The following KLHL9 variants were observed in gnomAD, a reference collection of about 807,000 sequenced individuals.
The protein encoded by KLHL9 is kelch-like protein 9.
A neutral mutation model predicts 42.3 loss-of-function variants in KLHL9; 27 were observed. The observed-to-expected ratio is 0.64, with a 90% CI of 0.47 to 0.88. The LOEUF is 0.88. Ranked by LOEUF, KLHL9 falls within the 40% of genes least tolerant of loss-of-function variation. The probability of loss-of-function intolerance (pLI) is 0.00; values close to 1 mark genes in which losing one functional copy is unlikely to be tolerated. For synonymous variants in KLHL9, 274 were observed against 254.4 expected (o/e 1.08, Z -0.73); for missense variants, 629 against 750.3 (o/e 0.84, Z 1.89).
chr9:21,333,133 T>G lies in KLHL9; in HGVS notation c.1727A>C (p.Lys576Thr). The change falls in exon 1 of 1, where the codon AAA becomes ACA. Residue 576 changes from lysine to threonine, a missense_variant. By Grantham distance (78) the Lys-to-Thr change is moderately conservative (BLOSUM62 -1). This residue lies in a region of KLHL9 where 61 missense variants were observed against 63.5 expected (regional missense o/e 0.96). Coordinates refer to ENST00000359039, the MANE Select transcript of KLHL9 (RefSeq NM_018847.4). The surrounding 1 kb of genome is among the most constrained non-coding windows in gnomAD (Gnocchi z 7.5). ...KYDPEKDEWH[K>T]VFDLPESLGG... ...AAGTGACTCTGGAAGATCAAAAACT[T>G]TATGCCACTCATCTTTTTCTGGGTC... 6.2e-7 allele frequency: 1 copy of G among 1,614,172 alleles called. No individual in the cohort carries two copies. The highest frequency in any genetic ancestry group is 1.1e-5 in the South Asian group (1 of 91,082).
Position 21,332,038 on chromosome 9 carries a change from G to C in KLHL9, c.*968C>G, listed in dbSNP as rs1442461490. On this transcript the variant is annotated 3_prime_UTR_variant, in exon 1 of 1. Coordinates refer to ENST00000359039, the MANE Select transcript of KLHL9 (RefSeq NM_018847.4). ...TTCATTAAGTTTTACTGACCAAAAAGGTGGAAAAAAGAACCTAAATTTTCT... is the reference window on the plus strand; with the variant it reads ...TTCATTAAGTTTTACTGACCAAAAACGTGGAAAAAAGAACCTAAATTTTCT... 1 of 152,324 alleles carries C rather than the reference G, an allele frequency of 6.6e-6. No individual in the cohort carries two copies. Among genetic ancestry groups the C allele is most frequent in the Non-Finnish European group, 1.5e-5 (1 of 68,000 alleles). 9.4% of individuals were successfully genotyped at this position (152,324 alleles called of 1,614,324 possible).
Position 21,332,834 on chromosome 9 carries a change from A to AT in KLHL9, c.*171dup. On this transcript the variant is annotated 3_prime_UTR_variant, in exon 1 of 1. Coordinates refer to ENST00000359039, the MANE Select transcript of KLHL9 (RefSeq NM_018847.4). ...TTGTTAAAACAGCTATGTTAAATAC[A>AT]TTTTCAGAATGCATTTGTTAGCCAC... 1 of 962,012 alleles carries AT rather than the reference A, an allele frequency of 1.0e-6. No homozygotes were observed. Among genetic ancestry groups the AT allele is most frequent in the Non-Finnish European group, 1.5e-6 (1 of 679,568 alleles). 59.6% of individuals were successfully genotyped at this position (962,012 alleles called of 1,614,324 possible).
At position 21,334,701 on chromosome 9, in the gene KLHL9, G is replaced by A. The variant is rs1157170212; in HGVS notation, c.159C>T (p.Thr53=). 4 of 1,613,776 alleles carry A rather than the reference G, an allele frequency of 2.5e-6. No homozygotes were observed. Among genetic ancestry groups the A allele is most frequent in the Non-Finnish European group, 3.4e-6 (4 of 1,179,884 alleles). Residue 53 remains threonine (T), a synonymous_variant, in exon 1 of 1, where the codon ACC becomes ACT. Transcript: ENST00000359039. This position sits in a 1 kb window ranked among gnomAD's most constrained non-coding sequence, Gnocchi z 5.1. ...TTTCATCTCCATCACCTGGTACCAG[G>A]GTCACATCACAAAGCAATCCTTCTA... ...LRIEGLLCDV[T]LVPGDGDEIF... is the part of the protein sequence containing the mutation.
chr9:21,333,390 T>A lies in KLHL9; in HGVS notation c.1470A>T (p.Thr490=), dbSNP rs573827694. Reference sequence around the variant, plus strand: ...CAATGACATAGAGCTTATCTCCAACTGTACACATGCAATGCAGACCTCTGA... The same window carrying A: ...CAATGACATAGAGCTTATCTCCAACAGTACACATGCAATGCAGACCTCTGA... The part of the protein sequence containing the change: ...TTVRGLHCMC[T]VGDKLYVIGG... Residue 490 remains threonine (T), a synonymous_variant, in exon 1 of 1, where the codon ACA becomes ACT. Coordinates refer to ENST00000359039, the MANE Select transcript of KLHL9 (RefSeq NM_018847.4). This position sits in a 1 kb window ranked among gnomAD's most constrained non-coding sequence, Gnocchi z 7.5. 5.7e-5 allele frequency: 92 copies of A among 1,614,236 alleles called. 1 individual carries two copies. In the South Asian group the frequency reaches 1.0e-3, roughly 18 times the overall value.
rs1820206150 is a variant in KLHL9, at chr9:21,333,267, C to T, written c.1593G>A (p.Met531Ile). 6.2e-7 allele frequency: 1 copy of T among 1,614,070 alleles called. No individual in the cohort carries two copies. The highest frequency in any genetic ancestry group is 8.5e-7 in the Non-Finnish European group (1 of 1,180,008). The change falls in exon 1 of 1, where the codon ATG (methionine) becomes ATA (isoleucine). Residue 531 changes from methionine (M) to isoleucine (I), a missense_variant. Physicochemically the swap from Met to Ile is conservative, Grantham distance 10. Transcript: ENST00000359039. The surrounding 1 kb of genome is among the most constrained non-coding windows in gnomAD (Gnocchi z 7.5). The part of the protein sequence containing the change: ...TLDQWTPIAA[M>I]LRGQSDVGVA... ...CTCCAACATCACTTTGGCCTCTTAA[C>T]ATGGCGGCAATTGGGGTCCACTGGT...
Position 21,334,000 on chromosome 9 carries a change from T to A in KLHL9, c.860A>T (p.Gln287Leu). The change falls in exon 1 of 1, where the codon CAG (glutamine) becomes CTG (leucine). Residue 287 changes from glutamine (Q) to leucine (L), a missense_variant. Coordinates refer to ENST00000359039, the MANE Select transcript of KLHL9 (RefSeq NM_018847.4). This position sits in a 1 kb window ranked among gnomAD's most constrained non-coding sequence, Gnocchi z 7.5. ...QMMPYMQPVMQSDRTAIRSDS... is the reference protein window; with the variant it reads ...QMMPYMQPVMLSDRTAIRSDS... ...AGATCGAATGGCAGTTCTATCTGAC[T>A]GCATCACTGGCTGCATATATGGCAT... 6.2e-7 allele frequency: 1 copy of A among 1,614,226 alleles called. No individual in the cohort carries two copies. The highest frequency in any genetic ancestry group is 8.5e-7 in the Non-Finnish European group (1 of 1,180,028).
In KLHL9 at chr9:21,333,306, A is replaced by G. The variant is rs762137797; in HGVS notation, c.1554T>C (p.Tyr518=). ...DYDDVLSCEY[Y]SPTLDQWTPI... is the part of the protein sequence containing the mutation. The stretch of plus-strand genomic sequence containing the variant: ...GGGTCCACTGGTCAAGGGTTGGTGA[A>G]TAGTATTCACAGCTTAGAACATCAT... The change falls in exon 1 of 1, where the codon TAT becomes TAC. Residue 518 remains tyrosine (Y), a synonymous_variant. Transcript: ENST00000359039. The surrounding 1 kb of genome is among the most constrained non-coding windows in gnomAD (Gnocchi z 7.5). 4 of 1,614,118 alleles carry G rather than the reference A, an allele frequency of 2.5e-6. No homozygotes were observed. The highest frequency in any genetic ancestry group is 1.7e-5 in the Admixed American group (1 of 60,014).
chr9:21,332,824 T>C lies in KLHL9; in HGVS notation c.*182A>G, dbSNP rs1013493214. 1.2e-6 allele frequency: 1 copy of C among 862,904 alleles called. No homozygotes were observed. Among genetic ancestry groups the C allele is most frequent in the Admixed American group, 3.3e-5 (1 of 30,610 alleles). The allele number at this position is 862,904 out of a possible 1,614,324, so 53.5% of individuals were successfully genotyped here. A position where few individuals can be genotyped will look rare whatever the true frequency, so the allele number is the denominator to read the frequency against. The stretch of plus-strand genomic sequence containing the variant: ...TTTTTTTCATTTGTTAAAACAGCTA[T>C]GTTAAATACATTTTCAGAATGCATT... On this transcript the variant is annotated 3_prime_UTR_variant, in exon 1 of 1. Coordinates refer to ENST00000359039, the MANE Select transcript of KLHL9 (RefSeq NM_018847.4).
In KLHL9 at chr9:21,335,227, G is replaced by T; in HGVS notation, c.-368C>A. ...CACGGCCCGCTCGGCGGCGGGTCCGGACACCTCAGCGAACGGCCCGCTGCG... is the reference window on the plus strand; with the variant it reads ...CACGGCCCGCTCGGCGGCGGGTCCGTACACCTCAGCGAACGGCCCGCTGCG... On this transcript the variant is annotated 5_prime_UTR_variant, in exon 1 of 1. Coordinates refer to ENST00000359039, the MANE Select transcript of KLHL9 (RefSeq NM_018847.4). 1 of 499,852 alleles carries T rather than the reference G, an allele frequency of 2.0e-6. No individual in the cohort carries two copies. Among genetic ancestry groups the T allele is most frequent in the South Asian group, 4.1e-5 (1 of 24,650 alleles). 31.0% of individuals were successfully genotyped at this position (499,852 alleles called of 1,614,324 possible).
Position 21,333,888 on chromosome 9 carries a change from T to G in KLHL9, c.972A>C (p.Ala324=), listed in dbSNP as rs1278868125. 2 of 1,613,928 alleles carry G rather than the reference T, an allele frequency of 1.2e-6. No homozygotes were observed. Among genetic ancestry groups the G allele is most frequent in the African/African-American group, 2.7e-5 (2 of 74,928 alleles). Residue 324 remains alanine, a synonymous_variant, in exon 1 of 1, where the codon GCA becomes GCC. Transcript: ENST00000359039. This position sits in a 1 kb window ranked among gnomAD's most constrained non-coding sequence, Gnocchi z 7.5. ...TTGGGGCTAAAGATCTCCATTCTTG[T>G]GCCCTTTCATCATACATCCGTAATT... The part of the protein sequence containing the change: ...SKELRMYDER[A]QEWRSLAPMD...
In KLHL9 at chr9:21,334,142, T is replaced by C; in HGVS notation, c.718A>G (p.Ile240Val). The C allele has an allele frequency of 6.2e-7, 1 of 1,614,240 alleles. No homozygotes were observed. Among genetic ancestry groups the C allele is most frequent in the Non-Finnish European group, 8.5e-7 (1 of 1,180,048 alleles). The change falls in exon 1 of 1, where the codon ATT becomes GTT. Residue 240 changes from isoleucine to valine, a missense_variant. Transcript: ENST00000359039. The surrounding 1 kb of genome is among the most constrained non-coding windows in gnomAD (Gnocchi z 5.1). ...MDYAAKLMKN[I>V]RFPLMTPQDL... ...TGTGGTGTCATCAGTGGAAATCGAA[T>C]ATTCTTCATTAACTTTGCAGCATAA...
At position 21,331,372 on chromosome 9, in the gene KLHL9, T is replaced by A. The variant is rs1344271667; in HGVS notation, c.*1634A>T. The A allele has an allele frequency of 6.6e-6, 1 of 152,536 alleles. No individual in the cohort carries two copies. The highest frequency in any genetic ancestry group is 1.5e-5 in the Non-Finnish European group (1 of 68,022). 9.4% of individuals were successfully genotyped at this position (152,536 alleles called of 1,614,324 possible). On this transcript the variant is annotated 3_prime_UTR_variant, in exon 1 of 1. Coordinates refer to ENST00000359039, the MANE Select transcript of KLHL9 (RefSeq NM_018847.4). Reference sequence around the variant, plus strand: ...AATGAATCAACACTTGTATGGGCAGTAAGGTTCAGACCCCTAGAAGCCAAT... The same window carrying A: ...AATGAATCAACACTTGTATGGGCAGAAAGGTTCAGACCCCTAGAAGCCAAT...
Position 21,332,729 on chromosome 9 carries a change from A to G in KLHL9, c.*277T>C. 1 of 397,704 alleles carries G rather than the reference A, an allele frequency of 2.5e-6. No individual in the cohort carries two copies. Among genetic ancestry groups the G allele is most frequent in the Admixed American group, 4.2e-5 (1 of 23,998 alleles). The allele number at this position is 397,704 out of a possible 1,614,324, so 24.6% of individuals were successfully genotyped here. A position where few individuals can be genotyped will look rare whatever the true frequency, so the allele number is the denominator to read the frequency against. On this transcript the variant is annotated 3_prime_UTR_variant, in exon 1 of 1. Coordinates refer to ENST00000359039, the MANE Select transcript of KLHL9 (RefSeq NM_018847.4). ...ACTTTGAAGCATAATGGACATAATTACACATTTACCACAGTCATCTACAAT... is the reference window on the plus strand; with the variant it reads ...ACTTTGAAGCATAATGGACATAATTGCACATTTACCACAGTCATCTACAAT...
Position 21,334,708 on chromosome 9 carries a change from T to C in KLHL9, c.152A>G (p.Asp51Gly). ...TCCATCACCTGGTACCAGGGTCACATCACAAAGCAATCCTTCTATTCTAAG... is the reference window on the plus strand; with the variant it reads ...TCCATCACCTGGTACCAGGGTCACACCACAAAGCAATCCTTCTATTCTAAG... ...DQLRIEGLLC[D>G]VTLVPGDGDE... is the part of the protein sequence containing the mutation. Residue 51 changes from aspartate (D) to glycine (G), a missense_variant, in exon 1 of 1, where the codon GAT (aspartate) becomes GGT (glycine). By Grantham distance (94) the Asp-to-Gly change is moderately conservative. Transcript: ENST00000359039. The surrounding 1 kb of genome is among the most constrained non-coding windows in gnomAD (Gnocchi z 5.1). 1 of 1,613,836 alleles carries C rather than the reference T, an allele frequency of 6.2e-7. No individual in the cohort carries two copies. Among genetic ancestry groups the C allele is most frequent in the Non-Finnish European group, 8.5e-7 (1 of 1,179,794 alleles).
rs192832956 is a variant in KLHL9, at chr9:21,332,455, G to A, written c.*551C>T. On this transcript the variant is annotated 3_prime_UTR_variant, in exon 1 of 1. Coordinates refer to ENST00000359039, the MANE Select transcript of KLHL9 (RefSeq NM_018847.4). ...TTCCTCCTCTCTCCCTCTCTTGCTC[G>A]CTCTAGAGAGAGATACCAAATACTG... 574 of 155,088 alleles carry A rather than the reference G, an allele frequency of 3.7e-3. 4 individuals are homozygous for A. Among genetic ancestry groups the A allele is most frequent in the African/African-American group, 0.013 (554 of 41,524 alleles). The allele number at this position is 155,088 out of a possible 1,614,324, so 9.6% of individuals were successfully genotyped here.
Position 21,332,802 on chromosome 9 carries a change from T to C in KLHL9, c.*204A>G, listed in dbSNP as rs1820196936. 1.4e-6 allele frequency: 1 copy of C among 728,002 alleles called. No individual in the cohort carries two copies. The highest frequency in any genetic ancestry group is 3.5e-5 in the Admixed American group (1 of 28,586). The allele number at this position is 728,002 out of a possible 1,614,324, so 45.1% of individuals were successfully genotyped here. A position where few individuals can be genotyped will look rare whatever the true frequency, so the allele number is the denominator to read the frequency against. On this transcript the variant is annotated 3_prime_UTR_variant, in exon 1 of 1. Coordinates refer to ENST00000359039, the MANE Select transcript of KLHL9 (RefSeq NM_018847.4). ...CATCTAAACATTTTTCTACGTCTTT[T>C]TTTCATTTGTTAAAACAGCTATGTT...
Position 21,331,040 on chromosome 9 carries a change from T to G in KLHL9, c.*1966A>C, listed in dbSNP as rs1820160285. On this transcript the variant is annotated 3_prime_UTR_variant, in exon 1 of 1. Transcript: ENST00000359039. Reference sequence around the variant, plus strand: ...CAAATGCAAGTTAAATTACATTTATTATATAAAGAGATCCTATAACTTGAT... The same window carrying G: ...CAAATGCAAGTTAAATTACATTTATGATATAAAGAGATCCTATAACTTGAT... The G allele has an allele frequency of 6.6e-6, 1 of 152,542 alleles. No homozygotes were observed. Among genetic ancestry groups the G allele is most frequent in the South Asian group, 2.1e-4 (1 of 4,828 alleles). The allele number at this position is 152,542 out of a possible 1,614,324, so 9.4% of individuals were successfully genotyped here.
chr9:21,335,037 T>C lies in KLHL9; in HGVS notation c.-178A>G, dbSNP rs2133033637. Reference sequence around the variant, plus strand: ...CAGTCATCCACTGAAAATCACCCTGTAGCAGGACCACAAAGGGCTGTGGAC... The same window carrying C: ...CAGTCATCCACTGAAAATCACCCTGCAGCAGGACCACAAAGGGCTGTGGAC... On this transcript the variant is annotated 5_prime_UTR_variant, in exon 1 of 1. Transcript: ENST00000359039. 6.5e-6 allele frequency: 5 copies of C among 772,888 alleles called. No homozygotes were observed. The highest frequency in any genetic ancestry group is 1.8e-5 in the African/African-American group (1 of 57,102). The allele number at this position is 772,888 out of a possible 1,614,324, so 47.9% of individuals were successfully genotyped here. A position where few individuals can be genotyped will look rare whatever the true frequency, so the allele number is the denominator to read the frequency against.
At position 21,334,501 on chromosome 9, in the gene KLHL9, T is replaced by A; in HGVS notation, c.359A>T (p.Asp120Val). The change falls in exon 1 of 1, where the codon GAC (aspartate) becomes GTC (valine). Residue 120 changes from aspartate (D) to valine (V), a missense_variant. Asp to Val is a radical substitution (Grantham distance 152, BLOSUM62 -3). Coordinates refer to ENST00000359039, the MANE Select transcript of KLHL9 (RefSeq NM_018847.4). The surrounding 1 kb of genome is among the most constrained non-coding windows in gnomAD (Gnocchi z 5.1). Reference sequence around the variant, plus strand: ...AGCTTCAAGTGTGTCCTGAAGATTGTCCATATTAAGAGAAAGTTTTGCAGT... The same window carrying A: ...AGCTTCAAGTGTGTCCTGAAGATTGACCATATTAAGAGAAAGTTTTGCAGT... ...IYTAKLSLNM[D>V]NLQDTLEAAS... is the part of the protein sequence containing the mutation. The A allele has an allele frequency of 6.2e-7, 1 of 1,614,118 alleles. No individual in the cohort carries two copies. Among genetic ancestry groups the A allele is most frequent in the Non-Finnish European group, 8.5e-7 (1 of 1,179,998 alleles).
Sources: gnomAD v4.1 joint callset for allele counts on GRCh38, gnomAD v4.1.1 for gene constraint, gnomAD v4.1.1 regional missense constraint, Gnocchi (gnomAD v3.1) non-coding constraint, MANE v1.5 for transcripts, NCBI Gene and HGNC (gene_info 2026-07-23, HGNC 2026-07-21) for gene names.